The following FREM1 variants were observed in gnomAD, a reference collection of about 807,000 sequenced individuals.
The protein encoded by FREM1 is FRAS1 related extracellular matrix 1, also known as FRAS1-related extracellular matrix protein 1.
Under a neutral mutation model 210.1 loss-of-function variants are expected in FREM1, and 220 were observed. That is an observed-to-expected ratio of 1.05 (90% CI 0.94 to 1.17). FREM1 has a LOEUF of 1.17. Among genes scored for constraint, FREM1 ranks in the 50% most tolerant of loss-of-function variants. The pLI is 0.00. For synonymous variants in FREM1, 1,189 were observed against 980.2 expected, an observed-to-expected ratio of 1.21 and a Z score of -3.98; for missense variants, 3,454 against 2,675.5, an observed-to-expected ratio of 1.29 and a Z score of -6.42.
intron 35 of FREM1, 69 bp downstream of exon 35, chr9:14,746,284 C>T (rs1302951570): frequency 1.2e-5 from 14 of 1,162,450 alleles, no homozygotes; most frequent in Admixed American, 1.9e-5. Flanking sequence ...AGCAGCTCTC[C>T]GCTTCCATGA....
At chr9:14,770,403 T>G (rs1242574219) in intron 26 of FREM1, among the ~76,000 whole-genome samples, 1 of 152,180 alleles carries the variant, frequency 6.6e-6, no homozygotes, top group Non-Finnish European at 1.5e-5. Context: ...ATATCAGTAT[T>G]TGGTTCTTCC....
intron 21 of FREM1, among the ~76,000 whole-genome samples, chr9:14,795,976 T>TATTTATAA (rs1303058928): frequency 6.6e-6 from 1 of 152,218 alleles, no homozygotes; most frequent in Non-Finnish European, 1.5e-5. Flanking sequence ...CATATTTTCA[T>TATTTATAA]ATTTATAAAT....
chr9:14,741,440 C>T (rs1294342423), intron 35 of FREM1, among the ~76,000 whole-genome samples: 2 of 152,182 alleles, frequency 1.3e-5, no homozygotes, highest in African/African-American at 4.8e-5. Flanking sequence ...CTTTGCCCCT[C>T]CACTGAATGG....
chr9:14,886,258 G>A (rs1000064923), intron 1 of FREM1, among the ~76,000 whole-genome samples: 1 of 151,948 alleles, frequency 6.6e-6, no homozygotes, highest in Admixed American at 6.6e-5. Context: ...GATGGCACAC[G>A]CCTGTAAATC....
chr9:14,799,233 C>A (rs1392611706), intron 20 of FREM1, among the ~76,000 whole-genome samples: 1 of 151,300 alleles, frequency 6.6e-6, no homozygotes. Flanking sequence ...CTGGAGTGAA[C>A]TGTGATTGCA....
At chr9:14,753,507 T>C (rs1187235604) in intron 29 of FREM1, among the ~76,000 whole-genome samples, 1 of 152,186 alleles carries the variant, frequency 6.6e-6, no homozygotes, top group Non-Finnish European at 1.5e-5. Flanking sequence ...TTTTGTTTGT[T>C]TGGTATTTTT....
chr9:14,878,192 T>C (rs74477944), intron 1 of FREM1, among the ~76,000 whole-genome samples: 4,747 of 152,294 alleles, frequency 0.031, 250 homozygotes, highest in African/African-American at 0.11. Flanking sequence ...CTGGTGATGA[T>C]CTAGAAGACA....
chr9:14,796,549 C>T (rs1852431403), intron 21 of FREM1, among the ~76,000 whole-genome samples: 1 of 152,166 alleles, frequency 6.6e-6, no homozygotes. Context: ...TGTGTCCTCA[C>T]CCAAATCTCA....
rs923263462 is a variant in FREM1, at chr9:14,803,206, CTTCTTTCTCTT to C, written c.3472-1343_3472-1333del. ...TCCTTCCCTTCCTCCCTCCCTCTTT[CTTCTTTCTCTT>C]TTCTTTCTCTTTCTTTCTCTCTCCT... is the stretch of plus-strand genomic sequence containing the variant. On this transcript the variant is annotated intron_variant, in intron 19 of 36. Transcript: ENST00000380880. Among the ~76,000 whole-genome samples the C allele has an allele frequency of 2.2e-5, 3 of 134,380 alleles. No homozygotes were observed. The Admixed American group carries it at 2.4e-4, about 11-fold the overall frequency. The allele number at this position is 134,380 out of a possible 152,430, so 88.2% of individuals were successfully genotyped here. A position where few individuals can be genotyped will look rare whatever the true frequency, so the allele number is the denominator to read the frequency against.
intron 8 of FREM1, among the ~76,000 whole-genome samples, chr9:14,844,736 G>T (rs539623031): frequency 6.6e-6 from 1 of 152,162 alleles, no homozygotes; most frequent in South Asian, 2.1e-4. Context: ...TTGCACTGAG[G>T]AGTTGTATGT....
rs144785000 is a variant in FREM1 at position 14,861,753 on chromosome 9, C to T, written c.329+2056G>A. Among the ~76,000 whole-genome samples, 175 of 152,176 alleles carry T rather than the reference C, an allele frequency of 1.1e-3. 3 individuals are homozygous for T. The South Asian group carries it at 0.019, about 16-fold the overall frequency. On this transcript the variant is annotated intron_variant, in intron 3 of 36. Transcript: ENST00000380880. Reference sequence around the variant, plus strand: ...AACTCCTGACCTCAGGTGATCTGCCCACCTTAGCCTCCCAAAGTGCTGGGA... The same window carrying T: ...AACTCCTGACCTCAGGTGATCTGCCTACCTTAGCCTCCCAAAGTGCTGGGA...
At chr9:14,817,459 C>T (rs1266605592) in intron 14 of FREM1, among the ~76,000 whole-genome samples, 1 of 152,104 alleles carries the variant, frequency 6.6e-6, no homozygotes, top group African/African-American at 2.4e-5. Flanking sequence ...AATACCTTTC[C>T]TTTGTCTAGC....
chr9:14,795,414 T>C (rs544448125), intron 21 of FREM1, among the ~76,000 whole-genome samples: 1 of 152,246 alleles, frequency 6.6e-6, no homozygotes, highest in Non-Finnish European at 1.5e-5. Flanking sequence ...CTTTGTCTTG[T>C]TAACAGAGGA....
At chr9:14,825,989 C>T (rs2382501) in intron 10 of FREM1, among the ~76,000 whole-genome samples, 16,091 of 152,150 alleles carry the variant, frequency 0.11, 1,052 homozygotes, top group South Asian at 0.15. Context: ...AGTTAATTTA[C>T]CCCTTCAAAA....
chr9:14,747,647 AT>A, intron 32 of FREM1, 33 bp downstream of exon 32: 2 of 1,279,894 alleles, frequency 1.6e-6, no homozygotes. Context: ...ATCCATAAAT[AT>A]AAGAAATTTA....
rs1192797373 is a variant in FREM1 at position 14,824,919 on chromosome 9, A to C, written c.1955T>G (p.Val652Gly). The C allele has an allele frequency of 6.2e-7, 1 of 1,611,088 alleles. No homozygotes were observed. Among genetic ancestry groups the C allele is most frequent in the Admixed American group, 1.7e-5 (1 of 59,578 alleles). Residue 652 changes from valine (V) to glycine (G), a missense_variant, in exon 11 of 37, where the codon GTT becomes GGT. By Grantham distance (109) the Val-to-Gly change is moderately radical. Transcript: ENST00000380880. ...ATAGGCCACCTCAGTTTCCTTGACAACCAAATGCCGAGAAACTCCAGGAGC... is the reference window on the plus strand; with the variant it reads ...ATAGGCCACCTCAGTTTCCTTGACACCCAAATGCCGAGAAACTCCAGGAGC... ...KEAPGVSRHL[V>G]VKETEVAYIT...
At position 14,824,113 on chromosome 9, in the gene FREM1, T is replaced by G; in HGVS notation, c.2081A>C (p.His694Pro). Residue 694 changes from histidine to proline, a missense_variant and splice_region_variant, in exon 12 of 37, where the codon CAC (histidine) becomes CCC (proline). Coordinates refer to ENST00000380880, the MANE Select transcript of FREM1 (RefSeq NM_001379081.2). ...CATAAATAATTTCCCAGCATCCAAG[T>G]GTCTAAAGAGAAATACAGAGGAGCA... The part of the protein sequence containing the change: ...TPPFFSFSHR[H>P]LDAGKLFMVD... 1 of 1,567,772 alleles carries G rather than the reference T, an allele frequency of 6.4e-7. No individual in the cohort carries two copies. The highest frequency in any genetic ancestry group is 8.7e-7 in the Non-Finnish European group (1 of 1,152,242).
chr9:14,848,718 T>C lies in FREM1; in HGVS notation c.1208A>G (p.His403Arg). ...FFERSAPMTV[H>R]ISIRTADTNA... ...TGTATCTGCTGTTCTGATGGAGATG[T>C]GGACTGTCATAGGTGCACTCCTTTC... Residue 403 changes from histidine to arginine, a missense_variant, in exon 7 of 37, where the codon CAC becomes CGC. Transcript: ENST00000380880. The C allele has an allele frequency of 1.9e-6, 3 of 1,613,378 alleles. No homozygotes were observed. The highest frequency in any genetic ancestry group is 2.5e-6 in the Non-Finnish European group (3 of 1,179,370).
At chr9:14,747,200 T>A in intron 33 of FREM1, 64 bp downstream of exon 33, 1 of 1,580,402 alleles carries the variant, frequency 6.3e-7, no homozygotes, top group Non-Finnish European at 8.7e-7. Flanking sequence ...GTGAATTAAG[T>A]GTGTTTCTGG....
Sources: allele counts gnomAD v4.1 joint callset (sites outside exome capture counted in the v4.1 genomes callset), GRCh38; gene constraint gnomAD v4.1.1; transcripts MANE v1.5; gene names NCBI Gene and HGNC (gene_info 2026-07-23, HGNC 2026-07-21).